TLE6: variants seen among roughly 807,000 people sequenced by gnomAD.
The protein encoded by TLE6 is transducin-like enhancer protein 6.
TLE6 carries 72 observed loss-of-function variants against 77.1 expected under a neutral mutation model. That is an observed-to-expected ratio of 0.93 (90% CI 0.77 to 1.14). TLE6 has a LOEUF of 1.14. TLE6 is among the 50% of genes most tolerant of loss of function. The pLI, the probability that TLE6 is intolerant of heterozygous loss-of-function variation, is 0.00. For missense variants in TLE6, 843 were observed against 747.6 expected (o/e 1.13, Z -1.49); for synonymous variants, 366 against 287.3 (o/e 1.27, Z -2.77).
chr19:2,992,793 A>AAAGGGGGGGG (rs1487334518), intron 14 of TLE6, among the ~76,000 whole-genome samples: 1 of 19,760 alleles, frequency 5.1e-5, no homozygotes, highest in Non-Finnish European at 8.1e-5. Context: ...AAAAAAAAAA[A>AAAGGGGGGGG]GGGGGGGAGG....
At position 2,982,315 on chromosome 19, in the gene TLE6, A is replaced by G. The variant is rs2088814524; in HGVS notation, c.222+126A>G. 9 of 1,023,208 alleles carry G rather than the reference A, an allele frequency of 8.8e-6. No homozygotes were observed. The South Asian group carries it at 1.2e-4, about 13-fold the overall frequency. The allele number at this position is 1,023,208 out of a possible 1,614,324, so 63.4% of individuals were successfully genotyped here. ...CACTTTGGGAGGCCGAGGAGGGTGG[A>G]TCACTTGAGGTCAGGAGTTCGAGAC... On this transcript the variant is annotated intron_variant, in intron 5 of 16. Coordinates refer to ENST00000246112, the MANE Select transcript of TLE6 (RefSeq NM_001143986.2).
intron 14 of TLE6, among the ~76,000 whole-genome samples, chr19:2,992,761 CAG>C (rs1466599537): frequency 8.9e-6 from 1 of 111,926 alleles, no homozygotes; most frequent in African/African-American, 3.6e-5. Context: ...GCCTGGGTGA[CAG>C]AGTGAGACCC....
At position 2,993,627 on chromosome 19, in the gene TLE6, G is replaced by A. The variant is rs369163484; in HGVS notation, c.1537+45G>A. The A allele has an allele frequency of 2.0e-6, 3 of 1,521,736 alleles. No individual in the cohort carries two copies. In the African/African-American group the frequency reaches 4.2e-5, roughly 21 times the overall value. 94.3% of individuals were successfully genotyped at this position (1,521,736 alleles called of 1,614,324 possible). The stretch of plus-strand genomic sequence containing the variant: ...TGAGGGGACTCCCCTGCAGCCCCCA[G>A]CCTCCCACAAGACCCCACCTAATGC... On this transcript the variant is annotated intron_variant, in intron 15 of 16. Transcript: ENST00000246112.
chr19:2,989,848 ACCTTACTGCTACCACCTCTGCCCG>A, intron 13 of TLE6, 63 bp downstream of exon 13: 1 of 1,586,942 alleles, frequency 6.3e-7, no homozygotes, highest in South Asian at 1.2e-5. Flanking sequence ...ACCTCTGCCC[ACCTTACTGCTACCACCTCTGCCCG>A]CCTTCCTGCC....
intron 8 of TLE6, 150 bp from the exon 9 acceptor site, chr19:2,987,574 A>C: frequency 1.8e-6 from 2 of 1,108,012 alleles, no homozygotes; most frequent in South Asian, 1.4e-5. Context: ...CCAGGACCCT[A>C]TACCCTGACT....
At chr19:2,987,511 G>C (rs896791758) in intron 8 of TLE6, 139 bp downstream of exon 8, 1 of 1,308,522 alleles carries the variant, frequency 7.6e-7, no homozygotes, top group Non-Finnish European at 1.1e-6. Context: ...GGGGGGACTT[G>C]GGTGATCCAG....
intron 3 of TLE6, among the ~76,000 whole-genome samples, chr19:2,981,332 AGT>A (rs951284845): frequency 6.8e-6 from 1 of 147,026 alleles, no homozygotes; most frequent in Non-Finnish European, 1.5e-5. Flanking sequence ...GGGTGACAAG[AGT>A]GAGACTCTGT....
chr19:2,980,065 G>GT, intron 2 of TLE6, 35 bp from the exon 3 acceptor site: 5 of 1,528,434 alleles, frequency 3.3e-6, no homozygotes, highest in Non-Finnish European at 4.4e-6. Context: ...TTGGAGCATT[G>GT]TAAGTTTTAT....
chr19:2,984,845 T>C (rs1452978998), intron 5 of TLE6, among the ~76,000 whole-genome samples: 1 of 152,188 alleles, frequency 6.6e-6, no homozygotes, highest in Admixed American at 6.6e-5. Context: ...CAATTCTACT[T>C]GTACTGGATG....
chr19:2,977,976 G>A (rs1302390132), intron 1 of TLE6, among the ~76,000 whole-genome samples: 2 of 152,048 alleles, frequency 1.3e-5, no homozygotes, highest in African/African-American at 4.8e-5. Flanking sequence ...AGGCCTGGGA[G>A]GCAAGGCTCA....
chr19:2,993,751 T>A (rs1342202161), intron 15 of TLE6, among the ~76,000 whole-genome samples, 169 bp downstream of exon 15: 1 of 150,960 alleles, frequency 6.6e-6, no homozygotes, highest in Non-Finnish European at 1.5e-5. Flanking sequence ...GGGAAGGGGG[T>A]GGGTGCCTGG....
At position 2,987,219 on chromosome 19, in the gene TLE6, G is replaced by C; in HGVS notation, c.522G>C (p.Lys174Asn). The C allele has an allele frequency of 2.5e-6, 4 of 1,614,150 alleles. No homozygotes were observed. The highest frequency in any genetic ancestry group is 3.4e-6 in the Non-Finnish European group (4 of 1,180,024). Residue 174 changes from lysine (K) to asparagine (N), a missense_variant, in exon 7 of 17, where the codon AAG (lysine) becomes AAC (asparagine). Coordinates refer to ENST00000246112, the MANE Select transcript of TLE6 (RefSeq NM_001143986.2). ...WRIFAGVHDE[K>N]AKPRDRQQAP... ...TTTTTGCCGGCGTCCACGATGAGAA[G>C]GCAAAGCCCAGAGACAGACGTGAGT...
chr19:2,994,287 C>T (rs12985900), intron 16 of TLE6, among the ~76,000 whole-genome samples, 192 bp downstream of exon 16: 29,715 of 151,422 alleles, frequency 0.2, 4,706 homozygotes, highest in African/African-American at 0.44. Flanking sequence ...ACCAGCCTGG[C>T]CAACATAGTG....
At chr19:2,980,255 T>C (rs1376007657) in intron 3 of TLE6, 73 bp downstream of exon 3, 3 of 1,317,716 alleles carry the variant, frequency 2.3e-6, no homozygotes, top group Non-Finnish European at 3.2e-6. Context: ...CCGGGGGTCC[T>C]AGTGAGTGGT....
chr19:2,979,003 A>T (rs984587091), intron 2 of TLE6, among the ~76,000 whole-genome samples: 2 of 152,038 alleles, frequency 1.3e-5, no homozygotes, highest in African/African-American at 4.8e-5. Context: ...CTCGGCTGGA[A>T]TGCAATGGCG....
In TLE6 at chr19:2,991,037, C is replaced by T. The variant is rs374765136; in HGVS notation, c.1245-806C>T. 2.8e-3 allele frequency among the ~76,000 whole-genome samples: 206 copies of T among 72,902 alleles called. 2 individuals carry two copies. The highest frequency in any genetic ancestry group is 0.02 in the African/African-American group (185 of 9,034). 47.8% of individuals were successfully genotyped at this position (72,902 alleles called of 152,430 possible). A position where few individuals can be genotyped will look rare whatever the true frequency, so the allele number is the denominator to read the frequency against. ...ACATACATACATACATACATACATACATACATATATGTATACACACACACA... is the reference window on the plus strand; with the variant it reads ...ACATACATACATACATACATACATATATACATATATGTATACACACACACA... On this transcript the variant is annotated intron_variant, in intron 13 of 16. Transcript: ENST00000246112.
At chr19:2,993,675 G>A (rs1365115333) in intron 15 of TLE6, 93 bp downstream of exon 15, 6 of 1,448,708 alleles carry the variant, frequency 4.1e-6, no homozygotes, top group Non-Finnish European at 5.6e-6. Flanking sequence ...CAACCCTCTA[G>A]GACACCTCAG....
chr19:2,993,342 C>T, intron 14 of TLE6, 90 bp from the exon 15 acceptor site: 2 of 1,393,074 alleles, frequency 1.4e-6, no homozygotes, highest in Non-Finnish European at 9.6e-7. Flanking sequence ...AGTCACCCGG[C>T]CTCCAGGATA....
chr19:2,993,565 T>C lies in TLE6; in HGVS notation c.1520T>C (p.Val507Ala). The C allele has an allele frequency of 6.4e-7, 1 of 1,572,714 alleles. No homozygotes were observed. Among genetic ancestry groups the C allele is most frequent in the African/African-American group, 1.4e-5 (1 of 73,718 alleles). The change falls in exon 15 of 17, where the codon GTC (valine) becomes GCC (alanine). Residue 507 changes from valine (V) to alanine (A), a missense_variant. Val to Ala is a moderately conservative substitution (Grantham distance 64). Transcript: ENST00000246112. ...CAAAAAGACAGCGTCATCCTGAGCG[T>C]CAAGTTCTCCCCCTTTGGTAAGCGG... The part of the protein sequence containing the change: ...VGQKDSVILS[V>A]KFSPFGQWWA...
Sources: allele counts gnomAD v4.1 joint callset (sites outside exome capture counted in the v4.1 genomes callset), GRCh38; gene constraint gnomAD v4.1.1; transcripts MANE v1.5; gene names NCBI Gene and HGNC (gene_info 2026-07-23, HGNC 2026-07-21).